Variants in TMEM43 observed in about 807,000 individuals in gnomAD.
TMEM43 encodes the protein transmembrane protein 43, also known as arrhythmogenic right ventricular dysplasia 5.
Under a neutral mutation model 49.6 loss-of-function variants are expected in TMEM43, and 45 were observed. The observed-to-expected ratio is 0.91, with a 90% CI of 0.71 to 1.16. TMEM43 has a LOEUF of 1.16. Ranked by LOEUF, TMEM43 falls within the 50% of genes most tolerant of loss-of-function variation. The pLI is 0.00. For missense variants in TMEM43, 532 were observed against 516.6 expected (o/e 1.03, Z -0.29); for synonymous variants, 199 against 207.8 (o/e 0.96, Z 0.36).
In TMEM43 at chr3:14,130,880, C is replaced by T. The variant is rs1367121739; in HGVS notation, c.221C>T (p.Pro74Leu). The change falls in exon 3 of 12, where the codon CCC becomes CTC. Residue 74 changes from proline to leucine, a missense_variant. Coordinates refer to ENST00000306077, the MANE Select transcript of TMEM43 (RefSeq NM_024334.3). ...GAGGGGCTCTCGCTTGTGGTGTCTCCCGACAGCATCCACAGTGTGGCTCCG... is the reference window on the plus strand; with the variant it reads ...GAGGGGCTCTCGCTTGTGGTGTCTCTCGACAGCATCCACAGTGTGGCTCCG... ...LAEGLSLVVS[P>L]DSIHSVAPEN... 1.2e-6 allele frequency: 2 copies of T among 1,613,796 alleles called. No homozygotes were observed. The highest frequency in any genetic ancestry group is 8.5e-7 in the Non-Finnish European group (1 of 1,179,804).
intron 5 of TMEM43, 34 bp from the exon 6 acceptor site, chr3:14,132,831 AC>A (rs761672806): frequency 6.3e-7 from 1 of 1,576,148 alleles, no homozygotes; most frequent in Non-Finnish European, 8.7e-7. Flanking sequence ...TGCCACTCCT[AC>A]CCGGGCTCTG....
intron 7 of TMEM43, 27 bp downstream of exon 7, chr3:14,133,836 C>T: frequency 6.2e-7 from 1 of 1,608,854 alleles, no homozygotes; most frequent in Non-Finnish European, 8.5e-7. Context: ...TCCAGAGGAG[C>T]TCGTGCCAGA....
rs1446747303 is a variant in TMEM43, at chr3:14,142,942, T to C, written c.*1147T>C. 1.3e-5 allele frequency: 2 copies of C among 152,256 alleles called. No homozygotes were observed. The highest frequency in any genetic ancestry group is 3.8e-4 in the East Asian group (2 of 5,204). 9.4% of individuals were successfully genotyped at this position (152,256 alleles called of 1,614,324 possible). On this transcript the variant is annotated 3_prime_UTR_variant, in exon 12 of 12. Coordinates refer to ENST00000306077, the MANE Select transcript of TMEM43 (RefSeq NM_024334.3). ...TCAACCACAATCAAGAACTGAGGCC[T>C]GAGGCTGGTTGTACAATGCCCACGC...
At chr3:14,138,297 G>A (rs1272237534) in intron 10 of TMEM43, among the ~76,000 whole-genome samples, 1 of 152,230 alleles carries the variant, frequency 6.6e-6, no homozygotes, top group East Asian at 1.9e-4. Flanking sequence ...GGCACTGGCA[G>A]CAGGGTCGGT....
In TMEM43 at chr3:14,139,221, C is replaced by A; in HGVS notation, c.924C>A (p.Thr308=). 1 of 1,614,172 alleles carries A rather than the reference C, an allele frequency of 6.2e-7. No individual in the cohort carries two copies. The highest frequency in any genetic ancestry group is 8.5e-7 in the Non-Finnish European group (1 of 1,180,016). The change falls in exon 11 of 12, where the codon ACC becomes ACA. Residue 308 remains threonine (T), a synonymous_variant. Coordinates refer to ENST00000306077, the MANE Select transcript of TMEM43 (RefSeq NM_024334.3). ...HRELRSNSMK[T]WGLRAAGWMA... Reference sequence around the variant, plus strand: ...AACTAAGGAGCAACTCCATGAAGACCTGGGGCCTGCGGGCAGCTGGCTGGA... The same window carrying A: ...AACTAAGGAGCAACTCCATGAAGACATGGGGCCTGCGGGCAGCTGGCTGGA...
Position 14,134,774 on chromosome 3 carries a change from C to T in TMEM43, c.588C>T (p.Leu196=). The T allele has an allele frequency of 1.2e-6, 2 of 1,614,146 alleles. No homozygotes were observed. The highest frequency in any genetic ancestry group is 1.7e-6 in the Non-Finnish European group (2 of 1,179,986). ...QIGRFFLSSG[L]IDKVDNFKSL... Reference sequence around the variant, plus strand: ...TAACCACTCTGGTCCCCTCAGGCCTCATCGACAAAGTCGACAACTTCAAGT... The same window carrying T: ...TAACCACTCTGGTCCCCTCAGGCCTTATCGACAAAGTCGACAACTTCAAGT... The change falls in exon 8 of 12, where the codon CTC becomes CTT. Residue 196 remains leucine, a synonymous_variant. Transcript: ENST00000306077.
At chr3:14,141,519 AG>A in intron 11 of TMEM43, 73 bp from the exon 12 acceptor site, 37 of 1,409,874 alleles carry the variant, frequency 2.6e-5, no homozygotes, top group Non-Finnish European at 3.6e-5. Context: ...ATCCTCATCT[AG>A]GGACAGGAGA....
rs187865624 is a variant in TMEM43 at position 14,128,504 on chromosome 3, T to C, written c.13-908T>C. ...AAGGGAGCCTCCTTGATACCCCAGGTGGAAGGGGTCACTCCTTGAGCACCA... is the reference window on the plus strand; with the variant it reads ...AAGGGAGCCTCCTTGATACCCCAGGCGGAAGGGGTCACTCCTTGAGCACCA... On this transcript the variant is annotated intron_variant, in intron 1 of 11. Coordinates refer to ENST00000306077, the MANE Select transcript of TMEM43 (RefSeq NM_024334.3). 2.1e-3 allele frequency among the ~76,000 whole-genome samples: 324 copies of C among 152,220 alleles called. 1 individual carries two copies. Among genetic ancestry groups the C allele is most frequent in the African/African-American group, 7.3e-3 (305 of 41,532 alleles).
At chr3:14,141,567 C>T (rs751675313) in intron 11 of TMEM43, 26 bp from the exon 12 acceptor site, 60 of 1,605,156 alleles carry the variant, frequency 3.7e-5, no homozygotes, top group Non-Finnish European at 4.4e-5. Context: ...GCAGGTGGCA[C>T]CTCATCACCT....
chr3:14,127,981 AG>A (rs1216742782), intron 1 of TMEM43, among the ~76,000 whole-genome samples: 1 of 152,172 alleles, frequency 6.6e-6, no homozygotes, highest in East Asian at 1.9e-4. Context: ...TATCAGTTGT[AG>A]GGAAATCTGG....
intron 10 of TMEM43, among the ~76,000 whole-genome samples, chr3:14,137,481 GCT>G (rs1695185423): frequency 6.6e-6 from 1 of 152,136 alleles, no homozygotes; most frequent in Non-Finnish European, 1.5e-5. Context: ...TGGGTCTCCT[GCT>G]GCTTAGCAGC....
At chr3:14,137,484 GCTTA>G (rs1695185513) in intron 10 of TMEM43, among the ~76,000 whole-genome samples, 1 of 152,158 alleles carries the variant, frequency 6.6e-6, no homozygotes, top group Non-Finnish European at 1.5e-5. Flanking sequence ...GTCTCCTGCT[GCTTA>G]GCAGCCCCAA....
At chr3:14,128,151 A>G (rs1197461719) in intron 1 of TMEM43, among the ~76,000 whole-genome samples, 1 of 152,244 alleles carries the variant, frequency 6.6e-6, no homozygotes, top group Non-Finnish European at 1.5e-5. Context: ...CGTAGCTGGT[A>G]TGTGGCAGAG....
Position 14,134,814 on chromosome 3 carries a change from A to T in TMEM43, c.628A>T (p.Lys210Ter). The change falls in exon 8 of 12, where the codon AAG becomes TAG. Residue 210 changes from lysine to a stop codon, truncating the protein, a stop_gained. Transcript: ENST00000306077. LOFTEE classifies it high-confidence loss of function. ...VDNFKSLSLS[K>*]LEDPHVDIIR... Reference sequence around the variant, plus strand: ...CAACTTCAAGTCCCTGAGCCTATCCAAGCTGGAGGACCCTCATGTGGACAT... The same window carrying T: ...CAACTTCAAGTCCCTGAGCCTATCCTAGCTGGAGGACCCTCATGTGGACAT... The T allele has an allele frequency of 1.2e-6, 2 of 1,614,180 alleles. No homozygotes were observed. Among genetic ancestry groups the T allele is most frequent in the Non-Finnish European group, 1.7e-6 (2 of 1,180,012 alleles).
chr3:14,131,801 A>C, intron 4 of TMEM43, 127 bp downstream of exon 4: 1 of 760,570 alleles, frequency 1.3e-6, no homozygotes, highest in South Asian at 1.6e-5. Context: ...CTATCAGAAA[A>C]GTGTGAAATG....
At chr3:14,134,738 C>G in intron 7 of TMEM43, 32 bp from the exon 8 acceptor site, 1 of 1,613,828 alleles carries the variant, frequency 6.2e-7, no homozygotes. Context: ...TCACCTGGTC[C>G]CCTGGGTTTC....
At chr3:14,138,717 A>G (rs1361085569) in intron 10 of TMEM43, among the ~76,000 whole-genome samples, 1 of 152,218 alleles carries the variant, frequency 6.6e-6, no homozygotes, top group African/African-American at 2.4e-5. Context: ...TGAAGCAGCT[A>G]AAGAATTGCA....
At chr3:14,129,118 C>A (rs1695058021) in intron 1 of TMEM43, 2 of 405,912 alleles carry the variant, frequency 4.9e-6, no homozygotes, top group Non-Finnish European at 9.5e-6. Flanking sequence ...TTCTCCCCAT[C>A]CCCACCAGTT....
chr3:14,130,828 G>T lies in TMEM43; in HGVS notation c.169G>T (p.Ala57Ser), dbSNP rs151010429. The change falls in exon 3 of 12, where the codon GCA (alanine) becomes TCA (serine). Residue 57 changes from alanine to serine, a missense_variant. Transcript: ENST00000306077. The part of the protein sequence containing the change: ...FYLIFTNEGR[A>S]LKTATSLAEG... The stretch of plus-strand genomic sequence containing the variant: ...CACTCCCCTTTGCTCCCAGGGCCGC[G>T]CATTGAAGACGGCAACCTCATTGGC... The T allele has an allele frequency of 3.1e-6, 5 of 1,613,662 alleles. No individual in the cohort carries two copies. In the South Asian group the frequency reaches 3.3e-5, roughly 11 times the overall value.
Sources: allele counts gnomAD v4.1 joint callset (sites outside exome capture counted in the v4.1 genomes callset), GRCh38; gene constraint gnomAD v4.1.1; transcripts MANE v1.5; gene names NCBI Gene and HGNC (gene_info 2026-07-23, HGNC 2026-07-21).